Variants in NLRC5 observed in about 807,000 individuals in gnomAD.
The protein encoded by NLRC5 is NLR family CARD domain containing 5, also known as protein NLRC5.
NLRC5 carries 114 observed loss-of-function variants against 206.9 expected under a neutral mutation model. The observed-to-expected ratio is 0.55, with a 90% CI of 0.47 to 0.64. The LOEUF (loss-of-function observed/expected upper bound fraction) is 0.64. Ranked by LOEUF, NLRC5 falls within the 30% of genes least tolerant of loss-of-function variation. The pLI, the probability that NLRC5 is intolerant of heterozygous loss-of-function variation, is 0.00. For synonymous variants in NLRC5, 952 were observed against 962.8 expected, an observed-to-expected ratio of 0.99 and a Z score of 0.21; for missense variants, 2,008 against 2,305.5, an observed-to-expected ratio of 0.87 and a Z score of 2.64.
rs199475972 is a variant in NLRC5 at position 57,025,790 on chromosome 16, A to G, written c.847A>G (p.Ser283Gly). The G allele has an allele frequency of 3.7e-6, 6 of 1,614,188 alleles. No individual in the cohort carries two copies. The highest frequency in any genetic ancestry group is 2.7e-5 in the African/African-American group (2 of 75,050). The change falls in exon 6 of 49, where the codon AGC (serine) becomes GGC (glycine). Residue 283 changes from serine to glycine, a missense_variant. Physicochemically the swap from Ser to Gly is moderately conservative, Grantham distance 56. Transcript: ENST00000688547. ...CGAGCTCCTTTTTGATCTGTACCTG[A>G]GCCCTGAATCGGACCACGACACTGT... ...PSELLFDLYL[S>G]PESDHDTVFQ...
chr16:57,030,594 AGATGGATAGGTGTGTGAAAAGATG>A (rs1282577880), intron 10 of NLRC5, among the ~76,000 whole-genome samples: 1 of 138,296 alleles, frequency 7.2e-6, no homozygotes, highest in Non-Finnish European at 1.6e-5. Context: ...CTAGCTGAAA[AGATGGATAGGTGTGTGAAAAGATG>A]GATGGATGGA....
At chr16:57,020,051 G>A (rs2060488203) in intron 2 of NLRC5, among the ~76,000 whole-genome samples, 1 of 151,968 alleles carries the variant, frequency 6.6e-6, no homozygotes, top group Admixed American at 6.5e-5. Flanking sequence ...CTGATCCCTG[G>A]GCAGAGACAT....
rs369143985 is a variant in NLRC5 at position 57,026,905 on chromosome 16, G to T, written c.1962G>T (p.Leu654=). Reference sequence around the variant, plus strand: ...TGACCTGCACCGACCTGGCCACCCTGACCAACATCCTAGAGCACAGGGAGG... The same window carrying T: ...TGACCTGCACCGACCTGGCCACCCTTACCAACATCCTAGAGCACAGGGAGG... The part of the protein sequence containing the change: ...FPLTCTDLAT[L]TNILEHREAP... The change falls in exon 6 of 49, where the codon CTG becomes CTT. Residue 654 remains leucine, a synonymous_variant. Coordinates refer to ENST00000688547, the MANE Select transcript of NLRC5 (RefSeq NM_001384950.1). 6.2e-7 allele frequency: 1 copy of T among 1,614,178 alleles called. No homozygotes were observed. The highest frequency in any genetic ancestry group is 1.3e-5 in the African/African-American group (1 of 75,044).
In NLRC5 at chr16:57,026,268, T is replaced by C. The variant is rs1298031660; in HGVS notation, c.1325T>C (p.Met442Thr). ...AACATGACTCAGCTCTATATGCAGA[T>C]GGTGCTCGCCCTCAGCCCCCCTGGG... ...LPNMTQLYMQ[M>T]VLALSPPGHL... The change falls in exon 6 of 49, where the codon ATG becomes ACG. Residue 442 changes from methionine to threonine, a missense_variant. Met to Thr is a moderately conservative substitution (Grantham distance 81). Coordinates refer to ENST00000688547, the MANE Select transcript of NLRC5 (RefSeq NM_001384950.1). 1 of 1,613,918 alleles carries C rather than the reference T, an allele frequency of 6.2e-7. No individual in the cohort carries two copies. Among genetic ancestry groups the C allele is most frequent in the African/African-American group, 1.3e-5 (1 of 74,958 alleles).
intron 1 of NLRC5, among the ~76,000 whole-genome samples, chr16:57,014,252 T>A (rs1365541936): frequency 6.6e-6 from 1 of 152,236 alleles, no homozygotes; most frequent in Non-Finnish European, 1.5e-5. Context: ...TCTTTCAATA[T>A]CATGGATTAA....
At chr16:57,056,233 C>T (rs1454406980) in intron 27 of NLRC5, among the ~76,000 whole-genome samples, 1 of 152,164 alleles carries the variant, frequency 6.6e-6, no homozygotes, top group African/African-American at 2.4e-5. Flanking sequence ...AAATGCCACA[C>T]AATTTTCATT....
At chr16:57,048,692 C>G (rs1040048082) in intron 23 of NLRC5, among the ~76,000 whole-genome samples, 7 of 152,240 alleles carry the variant, frequency 4.6e-5, no homozygotes, top group Non-Finnish European at 1.0e-4. Flanking sequence ...CGCCATCATG[C>G]CTGGCTAATT....
chr16:57,078,921 G>C, intron 43 of NLRC5, 129 bp from the exon 44 acceptor site: 1 of 806,710 alleles, frequency 1.2e-6, no homozygotes, highest in Non-Finnish European at 2.1e-6. Context: ...ACCTACCCAG[G>C]TCCTGTGTGG....
intron 13 of NLRC5, among the ~76,000 whole-genome samples, chr16:57,035,863 G>A (rs1597284900): frequency 1.3e-5 from 2 of 152,160 alleles, no homozygotes; most frequent in Non-Finnish European, 2.9e-5. Flanking sequence ...CATCAGTAAG[G>A]TGAGGATAAT....
rs1341355788 is a variant in NLRC5, at chr16:57,078,020, A to G, written c.5081A>G (p.His1694Arg). The G allele has an allele frequency of 1.3e-6, 2 of 1,595,860 alleles. No individual in the cohort carries two copies. The highest frequency in any genetic ancestry group is 1.7e-5 in the Admixed American group (1 of 58,882). Residue 1694 changes from histidine to arginine, a missense_variant and splice_region_variant, in exon 43 of 49, where the codon CAC (histidine) becomes CGC (arginine). Coordinates refer to ENST00000688547, the MANE Select transcript of NLRC5 (RefSeq NM_001384950.1). ...QELPQHLRVL[H>R]LPFSHLGPGG... ...CTGCCCCAGCACCTGAGGGTCCTACAGTGAGTGGCCCCCTGCCCATACCAT... is the reference window on the plus strand; with the variant it reads ...CTGCCCCAGCACCTGAGGGTCCTACGGTGAGTGGCCCCCTGCCCATACCAT...
chr16:56,993,859 G>A (rs1323929344), intron 1 of NLRC5, among the ~76,000 whole-genome samples: 1 of 151,546 alleles, frequency 6.6e-6, no homozygotes, highest in Admixed American at 6.6e-5. Context: ...TTAAAATGGT[G>A]GCATAGTTGC....
At position 57,082,444 on chromosome 16, in the gene NLRC5, C is replaced by T. The variant is rs764605110; in HGVS notation, c.5517C>T (p.Asp1839=). The part of the protein sequence containing the change: ...IRLWNNPIPC[D]MAQHLKSQEP... Reference sequence around the variant, plus strand: ...TCTGGAATAACCCCATTCCCTGCGACATGGCCCAGCACCTGAAGAGCCAGG... The same window carrying T: ...TCTGGAATAACCCCATTCCCTGCGATATGGCCCAGCACCTGAAGAGCCAGG... The change falls in exon 49 of 49, where the codon GAC becomes GAT. Residue 1839 remains aspartate, a synonymous_variant. Transcript: ENST00000688547. 1.3e-5 allele frequency: 21 copies of T among 1,613,518 alleles called. No homozygotes were observed. The East Asian group carries it at 2.0e-4, about 15-fold the overall frequency.
At position 57,058,059 on chromosome 16, in the gene NLRC5, C is replaced by T. The variant is rs924604698; in HGVS notation, c.3747-6C>T. 15 of 1,610,918 alleles carry T rather than the reference C, an allele frequency of 9.3e-6. No homozygotes were observed. Among genetic ancestry groups the T allele is most frequent in the Admixed American group, 1.7e-5 (1 of 59,784 alleles). On this transcript the variant is annotated splice_polypyrimidine_tract_variant and splice_region_variant and intron_variant, in intron 27 of 48. Transcript: ENST00000688547. ...GATCCCCGCCACTGCTCCTTACCCC[C>T]TACAGTCTCTCAGCAAACCTGCTGG...
intron 10 of NLRC5, among the ~76,000 whole-genome samples, chr16:57,030,454 G>GGACA (rs1312407831): frequency 5.5e-5 from 6 of 108,594 alleles, no homozygotes; most frequent in Admixed American, 1.7e-4. Context: ...ATGGATGGAT[G>GGACA]GATGGATGGA....
chr16:57,074,721 G>A (rs182333), intron 39 of NLRC5, 38 bp downstream of exon 39: 30 of 1,588,354 alleles, frequency 1.9e-5, no homozygotes, highest in Non-Finnish European at 2.6e-5. Context: ...TGAGTGGGAA[G>A]AAACACTTCC....
At chr16:57,081,662 C>T (rs2145178889) in intron 48 of NLRC5, 52 bp downstream of exon 48, 1 of 1,497,158 alleles carries the variant, frequency 6.7e-7, no homozygotes, top group Non-Finnish European at 9.3e-7. Flanking sequence ...TACACCAACC[C>T]CCAGATCTAA....
At chr16:56,996,713 A>G (rs2057660022) in intron 1 of NLRC5, among the ~76,000 whole-genome samples, 1 of 152,250 alleles carries the variant, frequency 6.6e-6, no homozygotes, top group Admixed American at 6.5e-5. Flanking sequence ...CAGAATATTT[A>G]GAACTTTCCA....
At chr16:56,991,603 A>C (rs901263220) in intron 1 of NLRC5, among the ~76,000 whole-genome samples, 1 of 151,342 alleles carries the variant, frequency 6.6e-6, no homozygotes, top group Non-Finnish European at 1.5e-5. Flanking sequence ...GCTGGTGTCA[A>C]ACTCCCAACC....
intron 1 of NLRC5, chr16:57,013,285 C>T: frequency 3.3e-6 from 2 of 606,192 alleles, no homozygotes; most frequent in Non-Finnish European, 6.3e-6. Flanking sequence ...CTGTAGTGAT[C>T]ACTAATATGT....
Sources: gnomAD v4.1 joint callset for allele counts (sites outside exome capture counted in the v4.1 genomes callset) on GRCh38, gnomAD v4.1.1 for gene constraint, MANE v1.5 for transcripts, NCBI Gene and HGNC (gene_info 2026-07-23, HGNC 2026-07-21) for gene names.